The following ST6GALNAC5 variants were observed in gnomAD, a reference collection of about 807,000 sequenced individuals.
ST6GALNAC5 encodes the protein ST6 N-acetylgalactosaminide alpha-2,6-sialyltransferase 5.
ST6GALNAC5 carries 27 observed loss-of-function variants against 33.6 expected under a neutral mutation model. The ratio of observed to expected loss-of-function variants is 0.80; its 90% CI spans 0.59 to 1.11. The LOEUF (loss-of-function observed/expected upper bound fraction) is 1.11. Ranked by LOEUF, ST6GALNAC5 falls within the 50% of genes least tolerant of loss-of-function variation. ST6GALNAC5 has a pLI of 0.00. For synonymous variants in ST6GALNAC5, 194 were observed against 171.2 expected, an observed-to-expected ratio of 1.13 and a Z score of -1.04; for missense variants, 428 against 454.0, an observed-to-expected ratio of 0.94 and a Z score of 0.52.
chr1:76,944,269 T>C (rs1647434489), intron 2 of ST6GALNAC5, among the ~76,000 whole-genome samples: 1 of 152,136 alleles, frequency 6.6e-6, no homozygotes, highest in South Asian at 2.1e-4. Context: ...TAGATGGTTA[T>C]TATACCACTT....
intron 2 of ST6GALNAC5, among the ~76,000 whole-genome samples, chr1:76,970,950 AT>A (rs531258121): frequency 3.6e-4 from 54 of 151,590 alleles, no homozygotes; most frequent in African/African-American, 7.0e-4. Context: ...ATAAGAAAAT[AT>A]TTTTTTTTCC....
intron 2 of ST6GALNAC5, among the ~76,000 whole-genome samples, chr1:77,043,141 C>T (rs1447314901): frequency 3.3e-5 from 5 of 152,192 alleles, no homozygotes; most frequent in African/African-American, 9.7e-5. Flanking sequence ...AGAGAAGAAG[C>T]GCATAGACTC....
intron 2 of ST6GALNAC5, among the ~76,000 whole-genome samples, chr1:76,947,903 CT>C (rs966580825): frequency 2.6e-5 from 4 of 152,074 alleles, no homozygotes; most frequent in Admixed American, 6.6e-5. Context: ...CAAATGCAAA[CT>C]TTTTTTATCC....
chr1:76,915,028 A>G (rs1349076831), intron 2 of ST6GALNAC5, among the ~76,000 whole-genome samples: 2 of 151,826 alleles, frequency 1.3e-5, no homozygotes, highest in East Asian at 1.9e-4. Flanking sequence ...AAAAGTGGGC[A>G]AAGGATATGA....
chr1:77,019,270 G>A (rs911224123), intron 2 of ST6GALNAC5, among the ~76,000 whole-genome samples: 1 of 152,132 alleles, frequency 6.6e-6, no homozygotes, highest in African/African-American at 2.4e-5. Context: ...CAAAAAGGAG[G>A]CTCCCTTCTG....
chr1:76,915,857 A>T (rs1646967017), intron 2 of ST6GALNAC5, among the ~76,000 whole-genome samples: 2 of 149,786 alleles, frequency 1.3e-5, no homozygotes, highest in African/African-American at 4.9e-5. Flanking sequence ...AATAAATTAA[A>T]AAAAGAATGA....
intron 2 of ST6GALNAC5, among the ~76,000 whole-genome samples, chr1:77,038,063 TAGA>T (rs1420699326): frequency 8.5e-5 from 13 of 152,148 alleles, no homozygotes; most frequent in Non-Finnish European, 1.9e-4. Context: ...TTCTAATGAG[TAGA>T]AGAAGCAGAG....
chr1:76,963,393 C>A (rs1648326932), intron 2 of ST6GALNAC5, among the ~76,000 whole-genome samples: 1 of 152,204 alleles, frequency 6.6e-6, no homozygotes, highest in Non-Finnish European at 1.5e-5. Flanking sequence ...CCTGCAAAGG[C>A]ACCATGGAAT....
intron 2 of ST6GALNAC5, among the ~76,000 whole-genome samples, chr1:76,966,922 C>A (rs1648514225): frequency 1.3e-5 from 2 of 152,182 alleles, no homozygotes; most frequent in Non-Finnish European, 2.9e-5. Context: ...TATGTTGAAC[C>A]AGCCTTGCAT....
chr1:76,960,400 C>A (rs537334269), intron 2 of ST6GALNAC5, among the ~76,000 whole-genome samples: 1 of 152,130 alleles, frequency 6.6e-6, no homozygotes, highest in East Asian at 1.9e-4. Context: ...TATCACAAGG[C>A]AAATGGAGGC....
At chr1:76,873,952 G>A (rs1467228760) in intron 2 of ST6GALNAC5, among the ~76,000 whole-genome samples, 2 of 152,074 alleles carry the variant, frequency 1.3e-5, no homozygotes, top group South Asian at 2.1e-4. Flanking sequence ...TGATCTAATC[G>A]TTGCAGAGAA....
At chr1:76,928,090 T>C (rs1647102598) in intron 2 of ST6GALNAC5, among the ~76,000 whole-genome samples, 1 of 152,116 alleles carries the variant, frequency 6.6e-6, no homozygotes, top group Non-Finnish European at 1.5e-5. Flanking sequence ...CAGATAGACT[T>C]CATGTTACTT....
At chr1:77,054,964 G>T (rs1392727101) in intron 4 of ST6GALNAC5, among the ~76,000 whole-genome samples, 2 of 152,030 alleles carry the variant, frequency 1.3e-5, no homozygotes, top group African/African-American at 4.8e-5. Flanking sequence ...TTCAAGATCT[G>T]GCAGAATCTA....
At chr1:76,946,073 C>T (rs949661577) in intron 2 of ST6GALNAC5, among the ~76,000 whole-genome samples, 1 of 151,992 alleles carries the variant, frequency 6.6e-6, no homozygotes, top group African/African-American at 2.4e-5. Flanking sequence ...TCAGATAAAA[C>T]ATCAAAATTA....
chr1:76,975,247 C>T (rs924899320), intron 2 of ST6GALNAC5, among the ~76,000 whole-genome samples: 4 of 152,150 alleles, frequency 2.6e-5, no homozygotes, highest in Non-Finnish European at 5.9e-5. Flanking sequence ...AGTTAAGCTA[C>T]TATTCATTGA....
At chr1:76,963,366 C>T (rs1648325625) in intron 2 of ST6GALNAC5, among the ~76,000 whole-genome samples, 1 of 152,164 alleles carries the variant, frequency 6.6e-6, no homozygotes, top group South Asian at 2.1e-4. Flanking sequence ...ATTGCTATTA[C>T]AGCAGATACA....
At chr1:76,920,395 G>A (rs983062714) in intron 2 of ST6GALNAC5, among the ~76,000 whole-genome samples, 1 of 152,180 alleles carries the variant, frequency 6.6e-6, no homozygotes, top group Non-Finnish European at 1.5e-5. Context: ...TCAGATGCAT[G>A]TGCCATAGAA....
At chr1:76,874,634 C>T (rs2100914068) in intron 2 of ST6GALNAC5, among the ~76,000 whole-genome samples, 1 of 152,250 alleles carries the variant, frequency 6.6e-6, no homozygotes, top group South Asian at 2.1e-4. Context: ...CACCATTTCA[C>T]ATTTTTCTGC....
At chr1:77,014,125 G>A (rs551829100) in intron 2 of ST6GALNAC5, among the ~76,000 whole-genome samples, 1 of 152,354 alleles carries the variant, frequency 6.6e-6, no homozygotes, top group South Asian at 2.1e-4. Flanking sequence ...GGAAGGGGAA[G>A]GGAGAGTGTT....
Sources: allele counts gnomAD v4.1 joint callset (sites outside exome capture counted in the v4.1 genomes callset), GRCh38; gene constraint gnomAD v4.1.1; transcripts MANE v1.5; gene names NCBI Gene and HGNC (gene_info 2026-07-23, HGNC 2026-07-21).